UBR4: variants seen among roughly 807,000 people sequenced by gnomAD.
UBR4 encodes the protein ubiquitin protein ligase E3 component n-recognin 4.
In UBR4, 124 loss-of-function variants were observed where a neutral mutation model predicts 575.6. The observed-to-expected ratio is 0.22, with a 90% CI of 0.19 to 0.25. The LOEUF is 0.25. UBR4 is among the 10% of genes least tolerant of loss of function. The probability of loss-of-function intolerance (pLI) is 1.00; values close to 1 mark genes in which losing one functional copy is unlikely to be tolerated. For missense variants in UBR4, 4,818 were observed against 6,478.8 expected (o/e 0.74, Z 8.80); for synonymous variants, 2,455 against 2,473.7 (o/e 0.99, Z 0.22).
intron 2 of UBR4, 45 bp downstream of exon 2, chr1:19,201,673 T>C: frequency 2.0e-6 from 3 of 1,532,588 alleles, no homozygotes; most frequent in Non-Finnish European, 1.8e-6. Context: ...ACAATCCCCC[T>C]ATTCACAAGC....
At chr1:19,206,336 CTCT>C (rs944130271) in intron 1 of UBR4, among the ~76,000 whole-genome samples, 8 of 151,376 alleles carry the variant, frequency 5.3e-5, no homozygotes, top group African/African-American at 1.9e-4. Flanking sequence ...GACCCTGTCT[CTCT>C]TTTTTTTTTT....
At chr1:19,197,890 TTA>T in intron 6 of UBR4, 55 bp downstream of exon 6, 1 of 1,612,300 alleles carries the variant, frequency 6.2e-7, no homozygotes, top group Non-Finnish European at 8.5e-7. Flanking sequence ...AGAAGCACAC[TTA>T]AGGAATTTTT....
rs1388957636 is a variant in UBR4, at chr1:19,161,866, G to C, written c.4988C>G (p.Thr1663Ser). The change falls in exon 36 of 106, where the codon ACT (threonine) becomes AGT (serine). Residue 1663 changes from threonine to serine, a missense_variant. Physicochemically the swap from Thr to Ser is moderately conservative, Grantham distance 58. Coordinates refer to ENST00000375254, the MANE Select transcript of UBR4 (RefSeq NM_020765.3). ...GAATTCTTTCTGTGTGATCGTAAAA[G>C]TGCAGAGTTTATTGCAAAGAGAATC... ...DEDSLCNKLC[T>S]FTITQKEFMN... 2 of 1,614,224 alleles carry C rather than the reference G, an allele frequency of 1.2e-6. No individual in the cohort carries two copies. Among genetic ancestry groups the C allele is most frequent in the Non-Finnish European group, 1.7e-6 (2 of 1,180,038 alleles).
chr1:19,155,134 G>T (rs902514134), intron 43 of UBR4, 59 bp from the exon 44 acceptor site: 1 of 1,595,798 alleles, frequency 6.3e-7, no homozygotes, highest in Non-Finnish European at 8.6e-7. Context: ...ACCAACTTCC[G>T]GTTTATACTG....
At chr1:19,114,170 G>T (rs1380442699) in intron 75 of UBR4, 100 bp from the exon 76 acceptor site, 17 of 1,450,728 alleles carry the variant, frequency 1.2e-5, no homozygotes, top group Admixed American at 2.1e-5. Context: ...TTTCCTATAG[G>T]TCAGGCACTG....
chr1:19,191,267 C>T (rs1223978176), intron 11 of UBR4, among the ~76,000 whole-genome samples: 3 of 152,024 alleles, frequency 2.0e-5, no homozygotes, highest in African/African-American at 4.8e-5. Flanking sequence ...GCCAAGAGTT[C>T]GAGACCCTGC....
rs1231594567 is a variant in UBR4, at chr1:19,119,578, T to G, written c.10434A>C (p.Lys3478Asn). The G allele has an allele frequency of 1.2e-6, 2 of 1,613,576 alleles. No individual in the cohort carries two copies. Among genetic ancestry groups the G allele is most frequent in the Non-Finnish European group, 1.7e-6 (2 of 1,179,612 alleles). Residue 3478 changes from lysine to asparagine, a missense_variant, in exon 70 of 106, where the codon AAA becomes AAC. Coordinates refer to ENST00000375254, the MANE Select transcript of UBR4 (RefSeq NM_020765.3). ...FVDLLGYFSL[K>N]TPQTEKKLKE... The stretch of plus-strand genomic sequence containing the variant: ...TTACCTTCTTCTCTGTTTGTGGAGT[T>G]TTCAGGGAGAAATATCCTAGTAGGT...
chr1:19,153,711 A>G lies in UBR4; in HGVS notation c.6630+57T>C. The G allele has an allele frequency of 6.4e-7, 1 of 1,561,584 alleles. No individual in the cohort carries two copies. The highest frequency in any genetic ancestry group is 2.2e-5 in the East Asian group (1 of 44,468). On this transcript the variant is annotated intron_variant, in intron 45 of 105. Coordinates refer to ENST00000375254, the MANE Select transcript of UBR4 (RefSeq NM_020765.3). This position sits in a 1 kb window ranked among gnomAD's most constrained non-coding sequence, Gnocchi z 4.1. Reference sequence around the variant, plus strand: ...CTGGGAAAGTGAAATGAATATACAAACATAAAAAGAGACCAGGTTCACAGC... The same window carrying G: ...CTGGGAAAGTGAAATGAATATACAAGCATAAAAAGAGACCAGGTTCACAGC...
At position 19,115,415 on chromosome 1, in the gene UBR4, G is replaced by A; in HGVS notation, c.11046C>T (p.Tyr3682=). 1 of 1,614,086 alleles carries A rather than the reference G, an allele frequency of 6.2e-7. No homozygotes were observed. Among genetic ancestry groups the A allele is most frequent in the Non-Finnish European group, 8.5e-7 (1 of 1,179,966 alleles). Residue 3682 remains tyrosine (Y), a synonymous_variant, in exon 74 of 106, where the codon TAC becomes TAT. Transcript: ENST00000375254. ...TGACTTACCTGCATTTGTGACACTG[G>A]TACACATTCTCTCCACAGTTGCCAC... The part of the protein sequence containing the change: ...GVCGNCGENV[Y]QCHKCRSINY...
At chr1:19,183,133 G>C (rs554062413) in intron 17 of UBR4, among the ~76,000 whole-genome samples, 5 of 152,210 alleles carry the variant, frequency 3.3e-5, no homozygotes, top group African/African-American at 1.2e-4. Context: ...ATTTTAATTT[G>C]TCTTTCTTCA....
At chr1:19,127,826 T>TC (rs2081988048) in intron 62 of UBR4, 87 bp from the exon 63 acceptor site, 1 of 1,104,412 alleles carries the variant, frequency 9.1e-7, no homozygotes. Context: ...GTCAAGCCCA[T>TC]CAGCCCTAAA....
In UBR4 at chr1:19,151,864, AG is replaced by A. The variant is rs2085762542; in HGVS notation, c.6997-6del. ...CTCAATGGTGAAGCCTCCGGGCTGTAGGGAGACAAGGCACACATCAAGAAAC... is the reference window on the plus strand; with the variant it reads ...CTCAATGGTGAAGCCTCCGGGCTGTAGGAGACAAGGCACACATCAAGAAAC... On this transcript the variant is annotated splice_region_variant and splice_polypyrimidine_tract_variant and intron_variant, in intron 47 of 105. Transcript: ENST00000375254. 1 of 1,575,234 alleles carries A rather than the reference AG, an allele frequency of 6.3e-7. No individual in the cohort carries two copies. Among genetic ancestry groups the A allele is most frequent in the Non-Finnish European group, 8.6e-7 (1 of 1,161,428 alleles).
chr1:19,198,707 G>A (rs564288752), intron 4 of UBR4, 27 bp from the exon 5 acceptor site: 27 of 1,612,962 alleles, frequency 1.7e-5, no homozygotes, highest in Middle Eastern at 3.3e-4. Flanking sequence ...CAAAAAAAAG[G>A]GCTGAGGAAA....
intron 8 of UBR4, among the ~76,000 whole-genome samples, chr1:19,196,699 A>C (rs2092474345): frequency 6.6e-6 from 1 of 152,234 alleles, no homozygotes; most frequent in South Asian, 2.1e-4. Context: ...ACCTGATCCC[A>C]CAGCAAGACT....
At chr1:19,094,847 G>A (rs1192239587) in intron 94 of UBR4, 59 bp downstream of exon 94, 1 of 1,596,774 alleles carries the variant, frequency 6.3e-7, no homozygotes, top group African/African-American at 1.3e-5. Flanking sequence ...GCCTGTTGTG[G>A]GCAATGAGAC....
intron 105 of UBR4, chr1:19,075,149 T>C: frequency 1.9e-6 from 1 of 525,016 alleles, no homozygotes; most frequent in South Asian, 2.1e-5. Context: ...GTGTGTCTGA[T>C]GTTCTGAAAT....
chr1:19,131,261 A>AT (rs2082409629), intron 60 of UBR4, among the ~76,000 whole-genome samples: 2 of 150,690 alleles, frequency 1.3e-5, no homozygotes, highest in African/African-American at 2.4e-5. Context: ...AAAAAAAAAA[A>AT]AAAAAAAATA....
Position 19,184,048 on chromosome 1 carries a change from A to G in UBR4, c.2066T>C (p.Ile689Thr). The G allele has an allele frequency of 1.2e-6, 2 of 1,614,140 alleles. No homozygotes were observed. The highest frequency in any genetic ancestry group is 8.5e-7 in the Non-Finnish European group (1 of 1,180,004). Reference protein sequence around the residue: ...SEHHMATLASIIKEVDKDGLK... With the variant: ...SEHHMATLASTIKEVDKDGLK... Reference sequence around the variant, plus strand: ...TCCATCTTTGTCCACCTCCTTGATGATACTGGCTAGGGTGGCCATATGGTG... The same window carrying G: ...TCCATCTTTGTCCACCTCCTTGATGGTACTGGCTAGGGTGGCCATATGGTG... Residue 689 changes from isoleucine to threonine, a missense_variant, in exon 16 of 106, where the codon ATC (isoleucine) becomes ACC (threonine). This residue lies in a region of UBR4 where 1,172 missense variants were observed against 1,259.7 expected (regional missense o/e 0.93). Transcript: ENST00000375254.
intron 49 of UBR4, among the ~76,000 whole-genome samples, chr1:19,148,886 A>C (rs2085258067): frequency 6.6e-6 from 1 of 152,188 alleles, no homozygotes; most frequent in African/African-American, 2.4e-5. Context: ...TTTCTTCCTC[A>C]AAGAGGATAA....
Sources: gnomAD v4.1 joint callset for allele counts (sites outside exome capture counted in the v4.1 genomes callset) on GRCh38, gnomAD v4.1.1 for gene constraint, gnomAD v4.1.1 regional missense constraint, Gnocchi (gnomAD v3.1) non-coding constraint, MANE v1.5 for transcripts, NCBI Gene and HGNC (gene_info 2026-07-23, HGNC 2026-07-21) for gene names.